The following CDKL3 variants were observed in gnomAD, a reference collection of about 807,000 sequenced individuals.
The protein encoded by CDKL3 is cyclin-dependent kinase-like 3.
Under a neutral mutation model 69.3 loss-of-function variants are expected in CDKL3, and 65 were observed. The observed-to-expected ratio is 0.94, with a 90% CI of 0.77 to 1.15. CDKL3 has a LOEUF of 1.15. Among genes scored for constraint, CDKL3 ranks in the 50% most tolerant of loss-of-function variants. The pLI is 0.00. For synonymous variants in CDKL3, 202 were observed against 221.6 expected, an observed-to-expected ratio of 0.91 and a Z score of 0.79; for missense variants, 652 against 689.2, an observed-to-expected ratio of 0.95 and a Z score of 0.61.
At chr5:134,312,653 T>A (rs897579100) in intron 6 of CDKL3, among the ~76,000 whole-genome samples, 10 of 152,200 alleles carry the variant, frequency 6.6e-5, no homozygotes, top group Admixed American at 6.5e-4. Context: ...TTAGCAAAAA[T>A]TAATTAGCTC....
intron 3 of CDKL3, among the ~76,000 whole-genome samples, chr5:134,355,182 A>T (rs1244585249): frequency 6.6e-6 from 1 of 150,540 alleles, no homozygotes; most frequent in African/African-American, 2.5e-5. Context: ...GCAGTGAGCT[A>T]AGATCATGCC....
downstream of CDKL3, among the ~76,000 whole-genome samples, chr5:134,285,790 T>C (rs923298545): frequency 3.9e-5 from 6 of 152,244 alleles, no homozygotes; most frequent in Non-Finnish European, 2.9e-5. Context: ...ATGCCTTTAA[T>C]AGCATCCAAG....
At chr5:134,294,404 C>T (rs1439140474), downstream of CDKL3, among the ~76,000 whole-genome samples, 5 of 152,136 alleles carry the variant, frequency 3.3e-5, no homozygotes, top group African/African-American at 1.2e-4. Context: ...TAGCATCATA[C>T]TTAGTGGAAT....
chr5:134,335,220 G>A (rs1776778282), intron 4 of CDKL3, among the ~76,000 whole-genome samples: 1 of 145,184 alleles, frequency 6.9e-6, no homozygotes. Flanking sequence ...ATTTGTCTTT[G>A]CATGTGAGAT....
intron 5 of CDKL3, 124 bp downstream of exon 5, chr5:134,321,667 C>T: frequency 1.7e-6 from 1 of 580,932 alleles, no homozygotes; most frequent in Non-Finnish European, 3.1e-6. Flanking sequence ...CCATCTGCTG[C>T]CATCTATCAA....
upstream of CDKL3, chr5:134,371,012 C>T: frequency 5.9e-6 from 1 of 168,886 alleles, no homozygotes; most frequent in South Asian, 1.3e-4. Context: ...CTGAAACTCA[C>T]ATCCAGGCGA....
At chr5:134,325,791 TC>T (rs1774002649) in intron 4 of CDKL3, among the ~76,000 whole-genome samples, 1 of 151,866 alleles carries the variant, frequency 6.6e-6, no homozygotes, top group Non-Finnish European at 1.5e-5. Context: ...TGAGATGGAG[TC>T]TCGCTCTGTC....
intron 4 of CDKL3, among the ~76,000 whole-genome samples, chr5:134,344,714 A>G (rs910880227): frequency 6.6e-6 from 1 of 152,216 alleles, no homozygotes; most frequent in Non-Finnish European, 1.5e-5. Context: ...ACTTAAGCCC[A>G]GGAATTCAAA....
chr5:134,310,426 G>A (rs1205458333), intron 7 of CDKL3, among the ~76,000 whole-genome samples: 2 of 151,704 alleles, frequency 1.3e-5, no homozygotes, highest in African/African-American at 2.4e-5. Flanking sequence ...TCCTGACCTC[G>A]TGATCTGCCC....
At chr5:134,318,330 GA>G (rs112575904) in intron 6 of CDKL3, among the ~76,000 whole-genome samples, 2,225 of 152,058 alleles carry the variant, frequency 0.015, 40 homozygotes, top group African/African-American at 0.049. Flanking sequence ...GGTCAAGAAG[GA>G]ATTTTGGCCT....
chr5:134,335,360 T>C (rs1776833140), intron 4 of CDKL3, among the ~76,000 whole-genome samples: 1 of 152,188 alleles, frequency 6.6e-6, no homozygotes, highest in African/African-American at 2.4e-5. Flanking sequence ...TTTGATTCTG[T>C]CATTATGATG....
intron 3 of CDKL3, among the ~76,000 whole-genome samples, chr5:134,359,441 C>A (rs774219272): frequency 6.6e-6 from 1 of 152,070 alleles, no homozygotes; most frequent in Non-Finnish European, 1.5e-5. Context: ...GGCCTCAAAC[C>A]GCTCCGCCAC....
At chr5:134,285,431 T>G (rs532088721), downstream of CDKL3, among the ~76,000 whole-genome samples, 5 of 152,352 alleles carry the variant, frequency 3.3e-5, no homozygotes, top group South Asian at 8.3e-4. Flanking sequence ...GCTTGGGGCT[T>G]GCTCCTCTGA....
intron 12 of CDKL3, among the ~76,000 whole-genome samples, chr5:134,300,582 G>T: frequency 6.6e-6 from 1 of 152,082 alleles, no homozygotes; most frequent in African/African-American, 2.4e-5. Context: ...AGCCTTTTAT[G>T]CAATTTCAGT....
At chr5:134,357,787 C>T (rs186067697) in intron 3 of CDKL3, among the ~76,000 whole-genome samples, 35 of 152,336 alleles carry the variant, frequency 2.3e-4, no homozygotes, top group Admixed American at 4.6e-4. Flanking sequence ...TAGTCCAAAC[C>T]GTTACCACCC....
At chr5:134,291,942 C>T (rs1254502209) in intron 8 of CDKL3, among the ~76,000 whole-genome samples, 2 of 152,088 alleles carry the variant, frequency 1.3e-5, no homozygotes, top group East Asian at 1.9e-4. Flanking sequence ...AATATTATAG[C>T]TCTAAATATA....
intron 10 of CDKL3, among the ~76,000 whole-genome samples, chr5:134,305,115 T>C (rs1317291938): frequency 6.6e-6 from 1 of 151,366 alleles, no homozygotes; most frequent in Non-Finnish European, 1.5e-5. Flanking sequence ...GCCTTATTAT[T>C]ATTATTATTA....
At chr5:134,307,502 G>A (rs544733264) in intron 9 of CDKL3, among the ~76,000 whole-genome samples, 1 of 152,276 alleles carries the variant, frequency 6.6e-6, no homozygotes, top group Admixed American at 6.5e-5. Flanking sequence ...AAACCAGTCT[G>A]CTAGAATCCT....
intron 4 of CDKL3, among the ~76,000 whole-genome samples, chr5:134,345,336 T>C (rs1383264702): frequency 6.6e-6 from 1 of 152,162 alleles, no homozygotes; most frequent in Non-Finnish European, 1.5e-5. Flanking sequence ...ATACCAGGTC[T>C]GGGGCAACAA....
Sources: gnomAD v4.1 joint callset for allele counts (sites outside exome capture counted in the v4.1 genomes callset) on GRCh38, gnomAD v4.1.1 for gene constraint, MANE v1.5 for transcripts, NCBI Gene and HGNC (gene_info 2026-07-23, HGNC 2026-07-21) for gene names.